The following SLC25A29 variants were observed in gnomAD, a reference collection of about 807,000 sequenced individuals.
SLC25A29 encodes mitochondrial basic amino acids transporter.
In SLC25A29, 13 loss-of-function variants were observed where a neutral mutation model predicts 10.0. The ratio of observed to expected loss-of-function variants is 1.30; its 90% CI spans 0.85 to 2.07. The LOEUF is 2.07. Ranked by LOEUF, SLC25A29 falls within the 30% of genes most tolerant of loss-of-function variation. The probability of loss-of-function intolerance (pLI) is 0.00; values close to 1 mark genes in which losing one functional copy is unlikely to be tolerated. For missense variants in SLC25A29, 475 were observed against 447.6 expected (o/e 1.06, Z -0.55); for synonymous variants, 244 against 221.1 (o/e 1.10, Z -0.92).
chr14:100,295,744 T>A (rs1566800322), intron 2 of SLC25A29: 2 of 1,289,302 alleles, frequency 1.6e-6, no homozygotes, highest in Non-Finnish European at 2.0e-6. Flanking sequence ...AATTTCAACA[T>A]CACATCCAGG....
chr14:100,300,307 T>A (rs1474986195), intron 1 of SLC25A29, among the ~76,000 whole-genome samples: 1 of 152,230 alleles, frequency 6.6e-6, no homozygotes, highest in Non-Finnish European at 1.5e-5. Context: ...ACCCACTTGA[T>A]ACTCACTTTA....
At chr14:100,280,328 T>C in the SLC25A29 span, 1 of 152,232 alleles carries the variant, frequency 6.6e-6, no homozygotes, top group Admixed American at 6.5e-5. Flanking sequence ...TTCGTACATC[T>C]GAGCAGAAAT....
At chr14:100,286,470 T>TGGGG (rs397961103), downstream of SLC25A29, among the ~76,000 whole-genome samples, 111 of 80,326 alleles carry the variant, frequency 1.4e-3, no homozygotes, top group African/African-American at 5.9e-3. Context: ...AGAGCATGGC[T>TGGGG]GGGGGGGGGG....
chr14:100,305,854 G>A (rs955782138), intron 1 of SLC25A29: 3 of 276,424 alleles, frequency 1.1e-5, no homozygotes, highest in African/African-American at 6.6e-5. Flanking sequence ...GCAACGGATG[G>A]GGATGGGGGA....
At chr14:100,280,210 A>G in the SLC25A29 span, 1 of 152,244 alleles carries the variant, frequency 6.6e-6, no homozygotes, top group South Asian at 2.1e-4. Context: ...GTTAGAATTT[A>G]TAATTTTGCT....
rs780810396 is a variant in SLC25A29 at position 100,292,865 on chromosome 14, G to C, written c.330C>G (p.Cys110Trp). 1.2e-6 allele frequency: 2 copies of C among 1,600,668 alleles called. No individual in the cohort carries two copies. The highest frequency in any genetic ancestry group is 1.7e-5 in the Admixed American group (1 of 58,698). Residue 110 changes from cysteine (C) to tryptophan (W), a missense_variant, in exon 4 of 4, where the codon TGC (cysteine) becomes TGG (tryptophan). Cys to Trp is a radical substitution (Grantham distance 215). Transcript: ENST00000359232. ...AAAGAIQCVI[C>W]CPMELAKTRL... ...GCGTCTTGGCCAGCTCCATGGGGCA[G>C]CAGATGACGCACTGGATGGCGCCCG...
the SLC25A29 span, chr14:100,279,254 T>G: frequency 6.6e-6 from 1 of 152,244 alleles, no homozygotes; most frequent in Non-Finnish European, 1.5e-5. Flanking sequence ...TGTGTATGCT[T>G]GACTGCAAGA....
At chr14:100,290,593 T>C (rs1363339282), downstream of SLC25A29, among the ~76,000 whole-genome samples, 4 of 152,240 alleles carry the variant, frequency 2.6e-5, no homozygotes, top group African/African-American at 9.6e-5. Context: ...TGCCAAGGGC[T>C]GACTCCAGGA....
Position 100,292,266 on chromosome 14 carries a change from G to A in SLC25A29, c.*17C>T, listed in dbSNP as rs1478466250. 2.0e-6 allele frequency: 3 copies of A among 1,533,528 alleles called. No homozygotes were observed. In the African/African-American group the frequency reaches 4.1e-5, roughly 21 times the overall value. The allele number at this position is 1,533,528 out of a possible 1,614,324, so 95.0% of individuals were successfully genotyped here. ...GTTTCTGAGAAGGAGCCCTGGGGAAGGAGGGCGGGGTGAGCGTCACAGGCT... is the reference window on the plus strand; with the variant it reads ...GTTTCTGAGAAGGAGCCCTGGGGAAAGAGGGCGGGGTGAGCGTCACAGGCT... On this transcript the variant is annotated 3_prime_UTR_variant, in exon 4 of 4. Coordinates refer to ENST00000359232, the MANE Select transcript of SLC25A29 (RefSeq NM_001039355.3).
chr14:100,283,721 T>A, the SLC25A29 span, among the ~76,000 whole-genome samples: 2 of 151,960 alleles, frequency 1.3e-5, no homozygotes, highest in African/African-American at 4.8e-5. Context: ...GACCTCACAA[T>A]CCACCCGCCT....
At chr14:100,281,109 A>G in the SLC25A29 span, 1 of 109,676 alleles carries the variant, frequency 9.1e-6, no homozygotes, top group Middle Eastern at 5.1e-3. Context: ...AATTCTACCC[A>G]CCTCCCCCCA....
In SLC25A29 at chr14:100,291,843, C is replaced by A. The variant is rs1229632970; in HGVS notation, c.*440G>T. On this transcript the variant is annotated 3_prime_UTR_variant, in exon 4 of 4. Coordinates refer to ENST00000359232, the MANE Select transcript of SLC25A29 (RefSeq NM_001039355.3). ...GACCAGAGGGGTGGCCCACCACCCCCCCGGGTGGAGGATGTGTGGAGTTAG... is the reference window on the plus strand; with the variant it reads ...GACCAGAGGGGTGGCCCACCACCCCACCGGGTGGAGGATGTGTGGAGTTAG... 8.3e-6 allele frequency: 2 copies of A among 242,296 alleles called. No individual in the cohort carries two copies. The highest frequency in any genetic ancestry group is 5.4e-5 in the Admixed American group (1 of 18,426). The allele number at this position is 242,296 out of a possible 1,614,324, so 15.0% of individuals were successfully genotyped here.
intron 1 of SLC25A29, among the ~76,000 whole-genome samples, chr14:100,303,117 C>G (rs1277214692): frequency 6.6e-6 from 1 of 152,150 alleles, no homozygotes; most frequent in Admixed American, 6.5e-5. Flanking sequence ...TTCTGGGAGG[C>G]CTTTGCATCC....
At chr14:100,293,426 C>G in intron 2 of SLC25A29, 49 bp from the exon 3 acceptor site, 1 of 1,571,636 alleles carries the variant, frequency 6.4e-7, no homozygotes, top group Non-Finnish European at 8.7e-7. Flanking sequence ...ACCAGAGCAC[C>G]CAGCTCCCGG....
chr14:100,280,105 C>T, the SLC25A29 span: 1 of 152,366 alleles, frequency 6.6e-6, no homozygotes, highest in African/African-American at 2.4e-5. Context: ...TAACATAGCA[C>T]TGACTTTGCA....
chr14:100,302,588 C>T (rs566345218), intron 1 of SLC25A29, among the ~76,000 whole-genome samples: 1 of 152,116 alleles, frequency 6.6e-6, no homozygotes, highest in African/African-American at 2.4e-5. Context: ...ATCTCTTGAC[C>T]TCGTGATCCA....
At chr14:100,299,484 C>T (rs751864012) in intron 1 of SLC25A29, 171 of 987,078 alleles carry the variant, frequency 1.7e-4, no homozygotes, top group Non-Finnish European at 1.9e-4. Context: ...CTGATACCTC[C>T]GTCCCCTTCC....
chr14:100,279,331 A>G, the SLC25A29 span: 1 of 152,234 alleles, frequency 6.6e-6, no homozygotes, highest in African/African-American at 2.4e-5. Context: ...CAGGTGAAAC[A>G]CATAGCCCAT....
intron 1 of SLC25A29, 116 bp downstream of exon 1, chr14:100,306,083 T>C: frequency 1.4e-6 from 1 of 723,338 alleles, no homozygotes; most frequent in Non-Finnish European, 2.0e-6. Flanking sequence ...GTGGTCCCCA[T>C]TCACAGACGC....
Sources: gnomAD v4.1 joint callset for allele counts (sites outside exome capture counted in the v4.1 genomes callset) on GRCh38, gnomAD v4.1.1 for gene constraint, MANE v1.5 for transcripts, NCBI Gene and HGNC (gene_info 2026-07-23, HGNC 2026-07-21) for gene names.